MYO16: variants seen among roughly 807,000 people sequenced by gnomAD.
MYO16 encodes myosin XVI.
MYO16 carries 94 observed loss-of-function variants against 205.3 expected under a neutral mutation model. The observed-to-expected ratio is 0.46, with a 90% CI of 0.39 to 0.54. The LOEUF (loss-of-function observed/expected upper bound fraction) is 0.54, where lower values mean the gene tolerates loss of function less well. MYO16 is among the 20% of genes least tolerant of loss of function. The probability of loss-of-function intolerance (pLI) is 0.00; values close to 1 mark genes in which losing one functional copy is unlikely to be tolerated. For synonymous variants in MYO16, 988 were observed against 954.0 expected (o/e 1.04, Z -0.66); for missense variants, 2,315 against 2,387.5 (o/e 0.97, Z 0.63).
At chr13:108,722,390 C>T (rs1413825095) in intron 3 of MYO16, among the ~76,000 whole-genome samples, 2 of 152,092 alleles carry the variant, frequency 1.3e-5, no homozygotes, top group African/African-American at 4.8e-5. Context: ...AGGAATGTTC[C>T]ACCATCACAC....
intron 31 of MYO16, among the ~76,000 whole-genome samples, chr13:109,136,976 C>T (rs932351603): frequency 2.6e-5 from 4 of 152,176 alleles, no homozygotes; most frequent in African/African-American, 9.7e-5. Context: ...TCTAGTATTT[C>T]GCTGGGCTCT....
At chr13:109,088,192 C>G (rs767543727) in intron 27 of MYO16, among the ~76,000 whole-genome samples, 4 of 152,114 alleles carry the variant, frequency 2.6e-5, no homozygotes, top group Non-Finnish European at 4.4e-5. Flanking sequence ...GTAGATGGTT[C>G]TGAGTATTAG....
intron 23 of MYO16, among the ~76,000 whole-genome samples, chr13:109,022,294 ATACAAATATATATTTATATATTAT>A: frequency 4.7e-5 from 1 of 21,098 alleles, no homozygotes; most frequent in East Asian, 5.2e-3. Flanking sequence ...CAAATATAAT[ATACAAATATATATTTATATATTAT>A]ATACAAATAT....
At chr13:108,499,948 C>G in the MYO16 span, among the ~76,000 whole-genome samples, 1 of 151,200 alleles carries the variant, frequency 6.6e-6, no homozygotes, top group Non-Finnish European at 1.5e-5. Context: ...TTCTCTGACC[C>G]CCTCCCTGGC....
chr13:108,560,530 C>T, the MYO16 span, among the ~76,000 whole-genome samples: 1 of 152,166 alleles, frequency 6.6e-6, no homozygotes, highest in African/African-American at 2.4e-5. Flanking sequence ...TAATTTTATG[C>T]TTTTCAATGT....
intron 4 of MYO16, among the ~76,000 whole-genome samples, chr13:108,761,899 G>T (rs80165576): frequency 6.6e-6 from 1 of 152,264 alleles, no homozygotes; most frequent in African/African-American, 2.4e-5. Context: ...GTACAGTTTT[G>T]CTACATACAT....
In MYO16 at chr13:108,876,240, G is replaced by T. The variant is rs1879319030; in HGVS notation, c.1426-6819G>T. Among the ~76,000 whole-genome samples, 3 of 152,230 alleles carry T rather than the reference G, an allele frequency of 2.0e-5. No homozygotes were observed. The South Asian group carries it at 6.2e-4, about 32-fold the overall frequency. On this transcript the variant is annotated intron_variant, in intron 12 of 34. Transcript: ENST00000457511. Reference sequence around the variant, plus strand: ...AAGTTCAAGCAGAATGCAACAGACAGTTGTGTGCCCACCACCCATATTGGT... The same window carrying T: ...AAGTTCAAGCAGAATGCAACAGACATTTGTGTGCCCACCACCCATATTGGT...
rs1408936684 is a variant in MYO16 at position 109,156,671 on chromosome 13, G to A, written c.5165-8230G>A. The stretch of plus-strand genomic sequence containing the variant: ...ATTCCATGGCTCCTTTCTCTCCCCT[G>A]CTTCCTGGCCTTTCCCCAGCACTGA... On this transcript the variant is annotated intron_variant, in intron 32 of 34. Coordinates refer to ENST00000457511, the MANE Select transcript of MYO16 (RefSeq NM_001198950.3). 3.9e-5 allele frequency among the ~76,000 whole-genome samples: 6 copies of A among 152,204 alleles called. No individual in the cohort carries two copies. The East Asian group carries it at 5.8e-4, about 15-fold the overall frequency.
chr13:108,687,769 C>A (rs942736470), intron 2 of MYO16, among the ~76,000 whole-genome samples: 1 of 151,980 alleles, frequency 6.6e-6, no homozygotes, highest in Admixed American at 6.6e-5. Context: ...TTAGTGCTAC[C>A]CTTTCCCAAT....
At chr13:108,800,370 G>A (rs1049808539) in intron 6 of MYO16, among the ~76,000 whole-genome samples, 2 of 152,072 alleles carry the variant, frequency 1.3e-5, no homozygotes, top group African/African-American at 4.8e-5. Context: ...ACACACAGTG[G>A]GAAGGGAAAG....
intron 7 of MYO16, among the ~76,000 whole-genome samples, chr13:108,814,103 T>G (rs945662047): frequency 2.0e-5 from 3 of 152,204 alleles, no homozygotes; most frequent in Non-Finnish European, 4.4e-5. Context: ...TTTACTTTTA[T>G]GATTTAAATG....
chr13:109,179,612 C>T lies in MYO16; in HGVS notation c.5394C>T (p.His1798=), dbSNP rs1355175848. 6.2e-6 allele frequency: 10 copies of T among 1,613,274 alleles called. No homozygotes were observed. The highest frequency in any genetic ancestry group is 1.7e-5 in the Admixed American group (1 of 60,028). ...CAGGGACTTCGACATTTCAAAGACA[C>T]AGGGACAGTCACACCACTCAGGTAA... is the stretch of plus-strand genomic sequence containing the variant. The part of the protein sequence containing the change: ...SGTGTSTFQR[H]RDSHTTQVIH... Residue 1798 remains histidine, a synonymous_variant, in exon 34 of 35, where the codon CAC becomes CAT. Transcript: ENST00000457511.
chr13:109,017,697 C>G (rs1286134849), intron 22 of MYO16, among the ~76,000 whole-genome samples: 1 of 152,064 alleles, frequency 6.6e-6, no homozygotes, highest in African/African-American at 2.4e-5. Flanking sequence ...TCTCTTCTCA[C>G]TTCATTTCCT....
intron 20 of MYO16, among the ~76,000 whole-genome samples, chr13:108,983,492 G>A (rs9989126): frequency 0.014 from 2,189 of 152,282 alleles, 60 homozygotes; most frequent in African/African-American, 0.049. Context: ...AGCTTTGAAC[G>A]TAAGATAAAG....
At chr13:108,563,777 A>T in the MYO16 span, among the ~76,000 whole-genome samples, 1 of 152,206 alleles carries the variant, frequency 6.6e-6, no homozygotes, top group South Asian at 2.1e-4. Context: ...AATTCTGGCT[A>T]TTATGAGCAG....
At chr13:108,730,501 A>G (rs187441997) in intron 4 of MYO16, among the ~76,000 whole-genome samples, 1 of 152,310 alleles carries the variant, frequency 6.6e-6, no homozygotes, top group African/African-American at 2.4e-5. Flanking sequence ...CACAAGAAGG[A>G]GGCATGTTTA....
In MYO16 at chr13:109,100,483, A is replaced by G. The variant is rs190082163; in HGVS notation, c.3336-302A>G. On this transcript the variant is annotated intron_variant, in intron 27 of 34. Transcript: ENST00000457511. The stretch of plus-strand genomic sequence containing the variant: ...ATGTTTAAAAATGGCTACTGGATTA[A>G]TTTTCATTCCTTTCAAATTTCCTTT... Among the ~76,000 whole-genome samples the G allele has an allele frequency of 1.3e-3, 203 of 152,292 alleles. 2 individuals are homozygous for G. Among genetic ancestry groups the G allele is most frequent in the Admixed American group, 5.8e-3 (89 of 15,298 alleles).
chr13:109,006,729 T>G (rs1885398820), intron 21 of MYO16, among the ~76,000 whole-genome samples: 1 of 152,188 alleles, frequency 6.6e-6, no homozygotes, highest in South Asian at 2.1e-4. Context: ...GAGCAGTAAA[T>G]ATTTCTAACC....
At chr13:108,984,246 T>C (rs1011178378) in intron 20 of MYO16, among the ~76,000 whole-genome samples, 1 of 152,014 alleles carries the variant, frequency 6.6e-6, no homozygotes, top group African/African-American at 2.4e-5. Context: ...TATTAATGGG[T>C]GAATTTTGAA....
Sources: allele counts gnomAD v4.1 joint callset (sites outside exome capture counted in the v4.1 genomes callset), GRCh38; gene constraint gnomAD v4.1.1; transcripts MANE v1.5; gene names NCBI Gene and HGNC (gene_info 2026-07-23, HGNC 2026-07-21).